ZW10: variants seen among roughly 807,000 people sequenced by gnomAD.
The protein encoded by ZW10 is centromere/kinetochore protein zw10 homolog.
Under a neutral mutation model 87.8 loss-of-function variants are expected in ZW10, and 53 were observed. The observed-to-expected ratio is 0.60, with a 90% CI of 0.48 to 0.76. The LOEUF is 0.76. Among genes scored for constraint, ZW10 ranks in the 30% least tolerant of loss-of-function variants. ZW10 has a pLI of 0.00. For synonymous variants in ZW10, 312 were observed against 329.2 expected, an observed-to-expected ratio of 0.95 and a Z score of 0.57; for missense variants, 837 against 923.0, an observed-to-expected ratio of 0.91 and a Z score of 1.21.
chr11:113,752,338 C>G (rs1000971766), intron 7 of ZW10, among the ~76,000 whole-genome samples: 2 of 152,056 alleles, frequency 1.3e-5, no homozygotes, highest in African/African-American at 4.8e-5. Flanking sequence ...AATTGTGCCC[C>G]TGCCCAAATT....
intron 1 of ZW10, among the ~76,000 whole-genome samples, chr11:113,772,928 G>C (rs1937654586): frequency 6.6e-6 from 1 of 151,736 alleles, no homozygotes. Flanking sequence ...CAGAGGTCGC[G>C]GTGAGCCGAG....
chr11:113,755,385 AC>A (rs1484702111), intron 7 of ZW10, among the ~76,000 whole-genome samples: 1 of 152,226 alleles, frequency 6.6e-6, no homozygotes, highest in African/African-American at 2.4e-5. Context: ...CTGCCAATGT[AC>A]TAGAAATGGC....
At chr11:113,750,754 A>G (rs1024684631) in intron 7 of ZW10, among the ~76,000 whole-genome samples, 1 of 152,206 alleles carries the variant, frequency 6.6e-6, no homozygotes, top group African/African-American at 2.4e-5. Context: ...TGTGATTTTA[A>G]CAGGACCTGA....
At chr11:113,751,206 C>A in intron 7 of ZW10, 2 of 275,518 alleles carry the variant, frequency 7.3e-6, no homozygotes, top group African/African-American at 2.2e-5. Context: ...TCAGACCATG[C>A]TGGCTTGAGC....
chr11:113,770,508 T>A (rs1953953024), intron 1 of ZW10: 1 of 151,846 alleles, frequency 6.6e-6, no homozygotes, highest in Admixed American at 6.6e-5. Flanking sequence ...ATTCAACAGT[T>A]AAAGCCATTG....
intron 7 of ZW10, among the ~76,000 whole-genome samples, chr11:113,753,144 C>T (rs1210387338): frequency 6.6e-6 from 1 of 151,962 alleles, no homozygotes; most frequent in African/African-American, 2.4e-5. Context: ...GCCTAGTACC[C>T]ATTAGTTATT....
At chr11:113,765,490 C>A in intron 2 of ZW10, among the ~76,000 whole-genome samples, 1 of 152,344 alleles carries the variant, frequency 6.6e-6, no homozygotes, top group East Asian at 1.9e-4. Flanking sequence ...CATGCCCTCT[C>A]TTTTCCCTTT....
intron 11 of ZW10, among the ~76,000 whole-genome samples, chr11:113,740,614 T>C (rs1349111297): frequency 1.3e-5 from 2 of 152,078 alleles, no homozygotes; most frequent in Admixed American, 6.6e-5. Context: ...TGGAATGAAA[T>C]TGAAATGAAA....
chr11:113,758,527 T>C, intron 6 of ZW10, 27 bp downstream of exon 6: 1 of 1,608,282 alleles, frequency 6.2e-7, no homozygotes, highest in Non-Finnish European at 8.5e-7. Flanking sequence ...AGATTTTGTG[T>C]AAATGAAACA....
intron 1 of ZW10, among the ~76,000 whole-genome samples, chr11:113,772,602 A>G (rs546865593): frequency 1.3e-5 from 2 of 152,286 alleles, no homozygotes; most frequent in East Asian, 1.9e-4. Context: ...TTTTGTATCA[A>G]TCTCAAGGCA....
At chr11:113,756,284 C>CAGA (rs1953784304) in intron 7 of ZW10, among the ~76,000 whole-genome samples, 1 of 152,082 alleles carries the variant, frequency 6.6e-6, no homozygotes. Flanking sequence ...CTGCCAATAC[C>CAGA]AGAAGAGCAA....
intron 7 of ZW10, among the ~76,000 whole-genome samples, chr11:113,752,140 T>C (rs1175687016): frequency 1.3e-5 from 2 of 152,228 alleles, no homozygotes; most frequent in African/African-American, 4.8e-5. Context: ...ATTTACTACA[T>C]TGTTATCTTC....
At chr11:113,749,435 G>A (rs1953713470) in intron 7 of ZW10, among the ~76,000 whole-genome samples, 1 of 152,104 alleles carries the variant, frequency 6.6e-6, no homozygotes, top group Non-Finnish European at 1.5e-5. Flanking sequence ...GCACAAAGGA[G>A]CTTTGTGGTT....
At chr11:113,760,660 A>G in intron 3 of ZW10, 70 bp from the exon 4 acceptor site, 2 of 1,353,008 alleles carry the variant, frequency 1.5e-6, no homozygotes, top group Non-Finnish European at 2.1e-6. Flanking sequence ...ACATTAAGAA[A>G]TGCTCCCACT....
chr11:113,759,686 C>T (rs1177872061), intron 5 of ZW10, among the ~76,000 whole-genome samples: 1 of 152,156 alleles, frequency 6.6e-6, no homozygotes, highest in Non-Finnish European at 1.5e-5. Context: ...TATTTCTTCA[C>T]CTTGCAAAGC....
intron 7 of ZW10, among the ~76,000 whole-genome samples, chr11:113,752,244 A>C (rs1019928990): frequency 5.3e-5 from 8 of 152,196 alleles, no homozygotes; most frequent in African/African-American, 1.9e-4. Context: ...TACTTACGTC[A>C]CACTGCACAT....
At position 113,733,406 on chromosome 11, in the gene ZW10, T is replaced by C. The variant is rs1272082176; in HGVS notation, c.*288A>G. On this transcript the variant is annotated 3_prime_UTR_variant, in exon 16 of 16. Coordinates refer to ENST00000200135, the MANE Select transcript of ZW10 (RefSeq NM_004724.4). ...AATGTATATAGCTCCCAGAGGGCTC[T>C]GGAAGCAGCATGAAATAATGCTGCC... 8.2e-6 allele frequency: 3 copies of C among 366,016 alleles called. No individual in the cohort carries two copies. Among genetic ancestry groups the C allele is most frequent in the Non-Finnish European group, 1.5e-5 (3 of 200,188 alleles). 22.7% of individuals were successfully genotyped at this position (366,016 alleles called of 1,614,324 possible). A position where few individuals can be genotyped will look rare whatever the true frequency, so the allele number is the denominator to read the frequency against.
intron 7 of ZW10, among the ~76,000 whole-genome samples, chr11:113,754,607 A>AG (rs1953764098): frequency 1.3e-5 from 2 of 152,020 alleles, no homozygotes; most frequent in Non-Finnish European, 2.9e-5. Flanking sequence ...ATTTTTCAAA[A>AG]ACAGCATGTC....
chr11:113,762,409 C>A (rs1364889310), intron 2 of ZW10, among the ~76,000 whole-genome samples: 1 of 152,114 alleles, frequency 6.6e-6, no homozygotes, highest in Non-Finnish European at 1.5e-5. Flanking sequence ...TACTCTACAG[C>A]AGACTTTATA....
Sources: allele counts gnomAD v4.1 joint callset (sites outside exome capture counted in the v4.1 genomes callset), GRCh38; gene constraint gnomAD v4.1.1; transcripts MANE v1.5; gene names NCBI Gene and HGNC (gene_info 2026-07-23, HGNC 2026-07-21).